The following RHOQ variants were observed in gnomAD, a reference collection of about 807,000 sequenced individuals.
The protein encoded by RHOQ is ras homolog family member Q.
Under a neutral mutation model 25.8 loss-of-function variants are expected in RHOQ, and 7 were observed. That is an observed-to-expected ratio of 0.27 (90% CI 0.15 to 0.51). The LOEUF (loss-of-function observed/expected upper bound fraction) is 0.51, where lower values mean the gene tolerates loss of function less well. Among genes scored for constraint, RHOQ ranks in the 20% least tolerant of loss-of-function variants. The pLI, the probability that RHOQ is intolerant of heterozygous loss-of-function variation, is 0.97. For missense variants in RHOQ, 165 were observed against 260.6 expected (o/e 0.63, Z 2.53); for synonymous variants, 97 against 98.6 (o/e 0.98, Z 0.10).
chr2:46,554,115 G>A (rs1668336076), intron 2 of RHOQ, among the ~76,000 whole-genome samples: 2 of 133,870 alleles, frequency 1.5e-5, no homozygotes, highest in South Asian at 4.6e-4. Flanking sequence ...CTCATTGTGT[G>A]TGTGTGTTTT....
chr2:46,564,029 A>T (rs564915151), intron 2 of RHOQ, among the ~76,000 whole-genome samples: 1 of 152,152 alleles, frequency 6.6e-6, no homozygotes, highest in East Asian at 2.0e-4. Flanking sequence ...ATCAGGCTGG[A>T]TGCAGTAGCT....
At position 46,548,021 on chromosome 2, in the gene RHOQ, A is replaced by T. The variant is rs749853575; in HGVS notation, c.201+4209A>T. On this transcript the variant is annotated intron_variant, in intron 2 of 4. Transcript: ENST00000238738. The surrounding 1 kb of genome is among the most constrained non-coding windows in gnomAD (Gnocchi z 5.2). ...TCCCAGAATATCCACACTCAGGAGG[A>T]TGTGTGTTGGGGGTGAATTTGGGAT... Among the ~76,000 whole-genome samples, 1 of 152,092 alleles carries T rather than the reference A, an allele frequency of 6.6e-6. No individual in the cohort carries two copies. Among genetic ancestry groups the T allele is most frequent in the Non-Finnish European group, 1.5e-5 (1 of 68,008 alleles).
At chr2:46,575,600 T>C (rs1309206451) in intron 2 of RHOQ, among the ~76,000 whole-genome samples, 2 of 152,182 alleles carry the variant, frequency 1.3e-5, no homozygotes, top group African/African-American at 4.8e-5. Context: ...TAATTTAACT[T>C]CTGTGCTTCA....
intron 2 of RHOQ, among the ~76,000 whole-genome samples, chr2:46,549,053 A>G (rs2103984435): frequency 6.6e-6 from 1 of 152,268 alleles, no homozygotes; most frequent in African/African-American, 2.4e-5. Context: ...TATGCCTCAT[A>G]ATCGGGCACA....
At chr2:46,559,687 G>A (rs943126948) in intron 2 of RHOQ, among the ~76,000 whole-genome samples, 4 of 152,116 alleles carry the variant, frequency 2.6e-5, no homozygotes, top group African/African-American at 9.7e-5. Context: ...GTTCTCCTGG[G>A]GCAACACCAG....
In RHOQ at chr2:46,546,511, T is replaced by TAC. The variant is rs1491537023; in HGVS notation, c.201+2699_201+2700insAC. Among the ~76,000 whole-genome samples the TAC allele has an allele frequency of 9.1e-5, 2 of 21,982 alleles. 1 individual carries two copies. Among genetic ancestry groups the TAC allele is most frequent in the East Asian group, 3.4e-3 (2 of 590 alleles). The allele number at this position is 21,982 out of a possible 152,430, so 14.4% of individuals were successfully genotyped here. On this transcript the variant is annotated intron_variant, in intron 2 of 4. Coordinates refer to ENST00000238738, the MANE Select transcript of RHOQ (RefSeq NM_012249.4). ...ATATATATATATATATATATATATA[T>TAC]GTATATACATATATATATATACACA...
Position 46,576,409 on chromosome 2 carries a change from C to A in RHOQ, c.367-152C>A. The A allele has an allele frequency of 4.5e-6, 4 of 881,194 alleles. No homozygotes were observed. The highest frequency in any genetic ancestry group is 1.9e-5 in the South Asian group (1 of 53,056). 54.6% of individuals were successfully genotyped at this position (881,194 alleles called of 1,614,324 possible). On this transcript the variant is annotated intron_variant, in intron 3 of 4. Coordinates refer to ENST00000238738, the MANE Select transcript of RHOQ (RefSeq NM_012249.4). This position sits in a 1 kb window ranked among gnomAD's most constrained non-coding sequence, Gnocchi z 5.1. ...TATCATATTTTTGGAAAAAATTGTG[C>A]CAAAAGAAAGCAATTATTTTCCTGG...
chr2:46,568,138 G>A (rs1397651217), intron 2 of RHOQ: 1 of 152,154 alleles, frequency 6.6e-6, no homozygotes, highest in Non-Finnish European at 1.5e-5. Context: ...TATGCAGCAG[G>A]ATCAGGTCCT....
intron 2 of RHOQ, among the ~76,000 whole-genome samples, chr2:46,545,792 G>C (rs977387098): frequency 6.6e-6 from 1 of 152,188 alleles, no homozygotes; most frequent in East Asian, 1.9e-4. Flanking sequence ...CATTCTCTGA[G>C]TGGGTGTTGG....
At chr2:46,546,486 A>ATATATATATGTATATG (rs1558680474) in intron 2 of RHOQ, among the ~76,000 whole-genome samples, 3 of 21,656 alleles carry the variant, frequency 1.4e-4, no homozygotes, top group African/African-American at 2.5e-4. Context: ...GTATATATAT[A>ATATATATATGTATATG]TATATATATA....
chr2:46,570,970 A>G (rs1250766794), intron 2 of RHOQ, among the ~76,000 whole-genome samples: 4 of 152,180 alleles, frequency 2.6e-5, no homozygotes, highest in Non-Finnish European at 4.4e-5. Context: ...TTCCTATAGT[A>G]CTTTATGGTC....
Position 46,556,442 on chromosome 2 carries a change from T to C in RHOQ, c.201+12630T>C, listed in dbSNP as rs1350006827. ...GCTCAGGTAGAGGCGAGGGCTGATC[T>C]CTTCTCTACCCTTCTGATATTCTTT... On this transcript the variant is annotated intron_variant, in intron 2 of 4. Transcript: ENST00000238738. The surrounding 1 kb of genome is among the most constrained non-coding windows in gnomAD (Gnocchi z 4.9). Among the ~76,000 whole-genome samples, 1 of 152,088 alleles carries C rather than the reference T, an allele frequency of 6.6e-6. No individual in the cohort carries two copies. Among genetic ancestry groups the C allele is most frequent in the Non-Finnish European group, 1.5e-5 (1 of 68,030 alleles).
At chr2:46,565,694 A>T (rs1668709700) in intron 2 of RHOQ, among the ~76,000 whole-genome samples, 1 of 152,242 alleles carries the variant, frequency 6.6e-6, no homozygotes, top group African/African-American at 2.4e-5. Context: ...AGCTACCTGC[A>T]CAATGACTGC....
intron 2 of RHOQ, among the ~76,000 whole-genome samples, chr2:46,575,018 C>T (rs955930740): frequency 9.9e-5 from 15 of 152,036 alleles, no homozygotes; most frequent in Non-Finnish European, 2.1e-4. Flanking sequence ...TGTTCACTCT[C>T]GAGAATGTAA....
chr2:46,573,101 T>C (rs1469188715), intron 2 of RHOQ, among the ~76,000 whole-genome samples: 1 of 151,878 alleles, frequency 6.6e-6, no homozygotes, highest in Non-Finnish European at 1.5e-5. Flanking sequence ...TTTAGCTCTG[T>C]TGCCCAGGCT....
intron 2 of RHOQ, among the ~76,000 whole-genome samples, chr2:46,559,556 G>T (rs1025155229): frequency 2.6e-5 from 4 of 151,958 alleles, no homozygotes; most frequent in Admixed American, 6.6e-5. Context: ...TGTTTGTTGT[G>T]GGGGGGCTGT....
chr2:46,552,967 G>T lies in RHOQ; in HGVS notation c.201+9155G>T, dbSNP rs2103990757. ...TTAGCTGGAGAAAGTGATCAGTTTG[G>T]ATTCTTACACGTACTAGATGCTCAG... On this transcript the variant is annotated intron_variant, in intron 2 of 4. Transcript: ENST00000238738. This position sits in a 1 kb window ranked among gnomAD's most constrained non-coding sequence, Gnocchi z 5.0. Among the ~76,000 whole-genome samples the T allele has an allele frequency of 6.6e-6, 1 of 152,312 alleles. No individual in the cohort carries two copies. Among genetic ancestry groups the T allele is most frequent in the Non-Finnish European group, 1.5e-5 (1 of 68,024 alleles).
intron 2 of RHOQ, among the ~76,000 whole-genome samples, chr2:46,544,036 G>A (rs1428294387): frequency 6.6e-6 from 1 of 152,222 alleles, no homozygotes; most frequent in African/African-American, 2.4e-5. Flanking sequence ...GGCTGTGAAA[G>A]TTTTTGCCTG....
intron 2 of RHOQ, among the ~76,000 whole-genome samples, chr2:46,571,311 C>A (rs1376162017): frequency 1.3e-5 from 2 of 152,336 alleles, no homozygotes; most frequent in South Asian, 4.1e-4. Context: ...TGGGTGCTAA[C>A]CTGATGCACG....
Sources: allele counts gnomAD v4.1 joint callset (sites outside exome capture counted in the v4.1 genomes callset), GRCh38; gene constraint gnomAD v4.1.1; non-coding constraint Gnocchi (gnomAD v3.1); transcripts MANE v1.5; gene names NCBI Gene and HGNC (gene_info 2026-07-23, HGNC 2026-07-21).